FILIP1: variants seen among roughly 807,000 people sequenced by gnomAD.
FILIP1 encodes filamin-A-interacting protein 1.
FILIP1 carries 61 observed loss-of-function variants against 102.1 expected under a neutral mutation model. The observed-to-expected ratio is 0.60, with a 90% confidence interval of 0.49 to 0.74. The LOEUF (loss-of-function observed/expected upper bound fraction) is 0.74, where lower values mean the gene tolerates loss of function less well. Among genes scored for constraint, FILIP1 ranks in the 30% least tolerant of loss-of-function variants. The pLI, the probability that FILIP1 is intolerant of heterozygous loss-of-function variation, is 0.00. For synonymous variants in FILIP1, 491 were observed against 526.9 expected (o/e 0.93, Z 0.93); for missense variants, 1,314 against 1,441.2 (o/e 0.91, Z 1.43).
At chr6:75,481,392 A>T (rs1204118225) in intron 1 of FILIP1, among the ~76,000 whole-genome samples, 2 of 152,298 alleles carry the variant, frequency 1.3e-5, no homozygotes, top group East Asian at 3.9e-4. Flanking sequence ...ATTTAGCATC[A>T]TCTTAGTTGT....
intron 1 of FILIP1, among the ~76,000 whole-genome samples, chr6:75,437,925 T>C (rs1490607056): frequency 6.6e-6 from 1 of 152,238 alleles, no homozygotes; most frequent in Non-Finnish European, 1.5e-5. Flanking sequence ...GAGTACGTTA[T>C]AAGATTTCAT....
At chr6:75,428,165 T>A (rs1027763209) in intron 1 of FILIP1, among the ~76,000 whole-genome samples, 13 of 152,150 alleles carry the variant, frequency 8.5e-5, no homozygotes, top group African/African-American at 2.9e-4. Context: ...AGTGCCAGCC[T>A]CCTTGTTTGA....
At chr6:75,421,736 T>C (rs1184836609) in intron 1 of FILIP1, among the ~76,000 whole-genome samples, 1 of 152,184 alleles carries the variant, frequency 6.6e-6, no homozygotes, top group East Asian at 1.9e-4. Context: ...GTATTAATCT[T>C]GTTGACTCAT....
At chr6:75,479,216 G>A (rs1307469096) in intron 1 of FILIP1, among the ~76,000 whole-genome samples, 1 of 151,854 alleles carries the variant, frequency 6.6e-6, no homozygotes, top group Admixed American at 6.6e-5. Context: ...AACAATAGGA[G>A]GAAGAAAAAA....
intron 1 of FILIP1, among the ~76,000 whole-genome samples, chr6:75,445,121 T>C (rs1403118443): frequency 6.6e-6 from 1 of 152,112 alleles, no homozygotes; most frequent in East Asian, 1.9e-4. Flanking sequence ...ATCTCTGCAA[T>C]AACCACTCTA....
intron 2 of FILIP1, among the ~76,000 whole-genome samples, chr6:75,401,479 G>A (rs1001536902): frequency 3.3e-5 from 5 of 151,986 alleles, no homozygotes; most frequent in Admixed American, 1.3e-4. Context: ...TTAGTACCTT[G>A]TTTGTTTTTC....
intron 2 of FILIP1, among the ~76,000 whole-genome samples, chr6:75,382,221 G>A (rs569146868): frequency 4.3e-4 from 65 of 152,188 alleles, no homozygotes; most frequent in Non-Finnish European, 7.9e-4. Context: ...GCCAGGGCAC[G>A]TGAGGCAGTG....
At chr6:75,442,538 G>A (rs1352824206) in intron 1 of FILIP1, among the ~76,000 whole-genome samples, 1 of 152,028 alleles carries the variant, frequency 6.6e-6, no homozygotes, top group African/African-American at 2.4e-5. Context: ...GATCCCTCGC[G>A]GTTAGGAGCT....
chr6:75,381,269 G>A (rs1220932725), intron 2 of FILIP1, among the ~76,000 whole-genome samples: 11 of 151,490 alleles, frequency 7.3e-5, no homozygotes, highest in South Asian at 2.1e-4. Context: ...TTGCTCTGTC[G>A]CCCAAGATAG....
intron 4 of FILIP1, among the ~76,000 whole-genome samples, chr6:75,346,635 C>T (rs1774595888): frequency 6.6e-6 from 1 of 152,074 alleles, no homozygotes; most frequent in Non-Finnish European, 1.5e-5. Context: ...ACTTCCCAAC[C>T]CCGGGAAGCT....
At chr6:75,330,110 T>A (rs1774023538) in intron 4 of FILIP1, among the ~76,000 whole-genome samples, 1 of 152,202 alleles carries the variant, frequency 6.6e-6, no homozygotes, top group Non-Finnish European at 1.5e-5. Context: ...AATTTTGATA[T>A]TTTCTTCATC....
chr6:75,443,192 T>A (rs1778330594), intron 1 of FILIP1, among the ~76,000 whole-genome samples: 1 of 152,226 alleles, frequency 6.6e-6, no homozygotes, highest in Non-Finnish European at 1.5e-5. Context: ...GATTTTCTTT[T>A]TTCTTTAGAA....
chr6:75,402,086 T>G (rs1562550796), intron 2 of FILIP1, among the ~76,000 whole-genome samples: 1 of 152,144 alleles, frequency 6.6e-6, no homozygotes, highest in Non-Finnish European at 1.5e-5. Context: ...TATGAGAGAT[T>G]TTCTTTATTA....
chr6:75,355,505 G>A (rs931032759), intron 3 of FILIP1, among the ~76,000 whole-genome samples: 5 of 150,772 alleles, frequency 3.3e-5, no homozygotes, highest in Admixed American at 6.6e-5. Flanking sequence ...GGGTTCAAGC[G>A]ATTCTCCTGC....
intron 1 of FILIP1, among the ~76,000 whole-genome samples, chr6:75,475,830 C>T (rs1481981582): frequency 2.6e-5 from 4 of 152,128 alleles, no homozygotes; most frequent in Non-Finnish European, 4.4e-5. Flanking sequence ...ATAGTCATCT[C>T]GTGCACATAA....
rs556119817 is a variant in FILIP1, at chr6:75,308,555, G to A, written c.*136C>T. ...ATGCACAAAATGGGAAAGACAAATG[G>A]TTATTAGTTGGTTATTTTATAAACA... On this transcript the variant is annotated 3_prime_UTR_variant, in exon 6 of 6. Coordinates refer to ENST00000237172, the MANE Select transcript of FILIP1 (RefSeq NM_015687.5). 24 of 1,487,678 alleles carry A rather than the reference G, an allele frequency of 1.6e-5. No individual in the cohort carries two copies. The South Asian group carries it at 2.9e-4, about 18-fold the overall frequency. The allele number at this position is 1,487,678 out of a possible 1,614,324, so 92.2% of individuals were successfully genotyped here.
At chr6:75,303,163 C>A (rs143073791), downstream of FILIP1, among the ~76,000 whole-genome samples, 8 of 151,768 alleles carry the variant, frequency 5.3e-5, no homozygotes, top group African/African-American at 1.9e-4. Context: ...GGTTAGATAT[C>A]CCTGTTGAGA....
At chr6:75,306,947 C>A (rs762850524), downstream of FILIP1, among the ~76,000 whole-genome samples, 1 of 151,972 alleles carries the variant, frequency 6.6e-6, no homozygotes, top group Non-Finnish European at 1.5e-5. Context: ...AGATTATAGG[C>A]GCCCACCCCC....
chr6:75,463,829 A>G (rs1779091885), intron 1 of FILIP1, among the ~76,000 whole-genome samples: 1 of 152,106 alleles, frequency 6.6e-6, no homozygotes, highest in African/African-American at 2.4e-5. Flanking sequence ...TTATCCAGAG[A>G]TGTTTGTAGA....
Sources: gnomAD v4.1 joint callset for allele counts (sites outside exome capture counted in the v4.1 genomes callset) on GRCh38, gnomAD v4.1.1 for gene constraint, MANE v1.5 for transcripts, NCBI Gene and HGNC (gene_info 2026-07-23, HGNC 2026-07-21) for gene names.